Variants in C3orf22 observed in about 807,000 individuals in gnomAD.
C3orf22 encodes uncharacterized protein C3orf22.
A neutral mutation model predicts 10.8 loss-of-function variants in C3orf22; 7 were observed. That is an observed-to-expected ratio of 0.65 (90% CI 0.37 to 1.22). C3orf22 has a LOEUF of 1.22. Ranked by LOEUF, C3orf22 falls within the 50% of genes most tolerant of loss-of-function variation. C3orf22 has a pLI of 0.02. For missense variants in C3orf22, 173 were observed against 177.0 expected (o/e 0.98, Z 0.13); for synonymous variants, 79 against 78.9 (o/e 1.00, Z 0.00).
At chr3:126,551,929 T>G (rs1457747999) in intron 3 of C3orf22, 68 bp downstream of exon 3, 2 of 1,519,086 alleles carry the variant, frequency 1.3e-6, no homozygotes, top group East Asian at 4.7e-5. Flanking sequence ...CATGCAAAAC[T>G]GGGGGACAGA....
At chr3:126,545,560 C>T (rs553922455), downstream of C3orf22, among the ~76,000 whole-genome samples, 9 of 152,292 alleles carry the variant, frequency 5.9e-5, no homozygotes, top group African/African-American at 1.2e-4. Flanking sequence ...TCACAAACAG[C>T]GAGATGTAAT....
intron 4 of C3orf22, among the ~76,000 whole-genome samples, chr3:126,533,865 G>GA (rs113134674): frequency 3.3e-5 from 5 of 152,110 alleles, no homozygotes; most frequent in Admixed American, 2.0e-4. Context: ...TTGTTTGTGG[G>GA]ATTTTTTTTT....
chr3:126,541,990 T>G, intron 4 of C3orf22: 3 of 1,564,264 alleles, frequency 1.9e-6, no homozygotes, highest in Non-Finnish European at 2.6e-6. Context: ...CGCACGCGCC[T>G]GGCCGCCTGC....
chr3:126,550,193 C>G, intron 3 of C3orf22, 115 bp from the exon 4 acceptor site: 1 of 1,197,526 alleles, frequency 8.4e-7, no homozygotes, highest in South Asian at 1.5e-5. Context: ...CTGAGATCTA[C>G]TCCCAACCAG....
At chr3:126,556,929 CAT>C (rs1481961563) in intron 1 of C3orf22, among the ~76,000 whole-genome samples, 21 of 60,182 alleles carry the variant, frequency 3.5e-4, no homozygotes, top group Admixed American at 8.2e-4. Context: ...CACACAGACA[CAT>C]ACACACTCAC....
intron 4 of C3orf22, among the ~76,000 whole-genome samples, chr3:126,531,208 C>T (rs995948113): frequency 6.6e-6 from 1 of 152,232 alleles, no homozygotes; most frequent in African/African-American, 2.4e-5. Context: ...GCCCCACCCC[C>T]CAACCTACTG....
chr3:126,539,431 G>A (rs990407355), intron 4 of C3orf22, among the ~76,000 whole-genome samples: 2 of 151,676 alleles, frequency 1.3e-5, no homozygotes, highest in Non-Finnish European at 2.9e-5. Flanking sequence ...GTGCAGGAGC[G>A]TACATGGACA....
At chr3:126,541,775 G>T in intron 4 of C3orf22, 1 of 1,525,268 alleles carries the variant, frequency 6.6e-7, no homozygotes, top group South Asian at 1.2e-5. Context: ...GCAGCGGCGC[G>T]ACCTGCTGAA....
intron 2 of C3orf22, 58 bp downstream of exon 2, chr3:126,553,244 A>C: frequency 1.6e-6 from 2 of 1,236,070 alleles, no homozygotes; most frequent in Non-Finnish European, 2.4e-6. Context: ...AGTTCCCAGG[A>C]TGCTGGGGTG....
At chr3:126,541,599 C>T in intron 4 of C3orf22, 2 of 754,884 alleles carry the variant, frequency 2.6e-6, no homozygotes, top group South Asian at 2.1e-5. Context: ...AGTGACAGCC[C>T]TGGGGTTCGA....
At chr3:126,537,175 C>G (rs1164359587) in intron 4 of C3orf22, among the ~76,000 whole-genome samples, 1 of 152,138 alleles carries the variant, frequency 6.6e-6, no homozygotes, top group Admixed American at 6.5e-5. Flanking sequence ...TGGGGGAGAG[C>G]AACTCCTCTC....
chr3:126,530,388 G>A (rs1393259017), intron 4 of C3orf22, among the ~76,000 whole-genome samples: 1 of 152,246 alleles, frequency 6.6e-6, no homozygotes, highest in African/African-American at 2.4e-5. Context: ...GTTTCCGGAA[G>A]GCTGGGAGCC....
chr3:126,546,270 G>A (rs189098698), downstream of C3orf22, among the ~76,000 whole-genome samples: 209 of 152,258 alleles, frequency 1.4e-3, 1 homozygote, highest in Non-Finnish European at 2.4e-3. Flanking sequence ...GTTGGAAGTC[G>A]GGCGATAAAT....
chr3:126,536,327 CT>C (rs1431890278), intron 4 of C3orf22: 1 of 1,614,042 alleles, frequency 6.2e-7, no homozygotes. Context: ...GAGAAGCCCC[CT>C]GCAGAAGCTC....
At chr3:126,532,552 C>T (rs550055316) in intron 4 of C3orf22, among the ~76,000 whole-genome samples, 11 of 152,324 alleles carry the variant, frequency 7.2e-5, no homozygotes, top group South Asian at 2.1e-4. Flanking sequence ...ATTGTCTTGG[C>T]TCCCTCATCA....
rs766798602 is a variant in C3orf22, at chr3:126,542,558, TC to T, written c.286+6978del. On this transcript the variant is annotated intron_variant and NMD_transcript_variant, in intron 4 of 5. Coordinates refer to the C3orf22 transcript ENST00000505070. ...CCTGCTTTTCAACTACTCCGCCCCC[TC>T]CTACCTGCGGCTGCTCTAGCGGTCC... The T allele has an allele frequency of 8.6e-6, 13 of 1,503,666 alleles. No homozygotes were observed. In the East Asian group the frequency reaches 3.4e-4, roughly 39 times the overall value. The allele number at this position is 1,503,666 out of a possible 1,614,324, so 93.1% of individuals were successfully genotyped here.
rs752501660 is a variant in C3orf22, at chr3:126,541,846, C to G, written c.286+7691G>C. ...TGCTACAGCCGGAGGACCTGCGGCA[C>G]GTGCTGGTGGACGACGCGCATGGCC... On this transcript the variant is annotated intron_variant and NMD_transcript_variant, in intron 4 of 5. Transcript: ENST00000505070. 1.9e-6 allele frequency: 3 copies of G among 1,581,722 alleles called. No individual in the cohort carries two copies. In the Admixed American group the frequency reaches 5.3e-5, roughly 28 times the overall value.
downstream of C3orf22, among the ~76,000 whole-genome samples, chr3:126,548,300 T>C: frequency 6.6e-6 from 1 of 152,124 alleles, no homozygotes; most frequent in Non-Finnish European, 1.5e-5. Context: ...CTGGCCAAAT[T>C]ATAACATTTT....
chr3:126,542,477 C>G (rs747651308), intron 4 of C3orf22: 5 of 1,582,604 alleles, frequency 3.2e-6, no homozygotes, highest in Non-Finnish European at 4.3e-6. Flanking sequence ...GCGCCTCTTC[C>G]GGGACATCAG....
Sources: allele counts gnomAD v4.1 joint callset (sites outside exome capture counted in the v4.1 genomes callset), GRCh38; gene constraint gnomAD v4.1.1; transcripts MANE v1.5; gene names NCBI Gene and HGNC (gene_info 2026-07-23, HGNC 2026-07-21).